COL5A2: variants seen among roughly 807,000 people sequenced by gnomAD.
COL5A2 encodes the protein collagen alpha-2(V) chain.
In COL5A2, 23 loss-of-function variants were observed where a neutral mutation model predicts 208.2. The ratio of observed to expected loss-of-function variants is 0.11; its 90% CI spans 0.08 to 0.16. The LOEUF is 0.16. COL5A2 is among the 10% of genes least tolerant of loss of function. COL5A2 has a pLI of 1.00. For missense variants in COL5A2, 1,590 were observed against 1,956.4 expected, an observed-to-expected ratio of 0.81 and a Z score of 3.53; for synonymous variants, 625 against 628.5, an observed-to-expected ratio of 0.99 and a Z score of 0.08.
At chr2:189,263,501 T>C in the COL5A2 span, among the ~76,000 whole-genome samples, 7 of 152,260 alleles carry the variant, frequency 4.6e-5, no homozygotes, top group African/African-American at 1.4e-4. Flanking sequence ...TACAACTCAT[T>C]ACTCACATGT....
upstream of COL5A2, among the ~76,000 whole-genome samples, chr2:189,183,897 A>C (rs1688814278): frequency 6.6e-6 from 1 of 152,146 alleles, no homozygotes; most frequent in Admixed American, 6.5e-5. Flanking sequence ...CACACCTCAT[A>C]ATTTTACTCA....
At chr2:189,291,800 G>T in the COL5A2 span, among the ~76,000 whole-genome samples, 2 of 147,326 alleles carry the variant, frequency 1.4e-5, no homozygotes, top group Admixed American at 6.7e-5. Flanking sequence ...AAGCTCTTTG[G>T]TTTAAAAAAA....
the COL5A2 span, among the ~76,000 whole-genome samples, chr2:189,301,848 C>T: frequency 6.6e-6 from 1 of 151,988 alleles, no homozygotes; most frequent in Non-Finnish European, 1.5e-5. Flanking sequence ...GAAAGAGTTT[C>T]CTGAGGAAAG....
At position 189,179,509 on chromosome 2, in the gene COL5A2, A is replaced by G; in HGVS notation, c.96T>C (p.Asp32=). The G allele has an allele frequency of 1.2e-6, 2 of 1,611,208 alleles. No individual in the cohort carries two copies. The highest frequency in any genetic ancestry group is 1.1e-5 in the South Asian group (1 of 90,422). The change falls in exon 1 of 54, where the codon GAT becomes GAC. Residue 32 remains aspartate, a splice_region_variant and synonymous_variant. Coordinates refer to ENST00000374866, the MANE Select transcript of COL5A2 (RefSeq NM_000393.5). ...AAGCAAAGCAAATGGCAAACTCACC[A>G]TCCTCGTCTTCTTCCTGGGCTTTTA... ...VSIKAQEEDE[D]EGYGEEIACT...
chr2:189,432,552 T>G, the COL5A2 span, among the ~76,000 whole-genome samples: 1 of 152,118 alleles, frequency 6.6e-6, no homozygotes, highest in Non-Finnish European at 1.5e-5. Flanking sequence ...TAAAACAGAC[T>G]TTAAACCAAC....
At chr2:189,066,217 T>G (rs529758335) in intron 23 of COL5A2, among the ~76,000 whole-genome samples, 173 bp downstream of exon 23, 6 of 152,360 alleles carry the variant, frequency 3.9e-5, no homozygotes, top group Admixed American at 3.9e-4. Flanking sequence ...ATTAGTTGAA[T>G]GTATGAATAA....
rs72902319 is a variant in COL5A2 at position 189,036,828 on chromosome 2, C to G, written c.3926-25G>C. On this transcript the variant is annotated intron_variant, in intron 51 of 53. Coordinates refer to ENST00000374866, the MANE Select transcript of COL5A2 (RefSeq NM_000393.5). Reference sequence around the variant, plus strand: ...CCTATTTTTCAAAATAGAAATTTTACTAAATAAAGACAATCTCAATCATGA... The same window carrying G: ...CCTATTTTTCAAAATAGAAATTTTAGTAAATAAAGACAATCTCAATCATGA... 29,685 of 1,534,248 alleles carry G rather than the reference C, an allele frequency of 0.019. 373 individuals carry two copies. Among genetic ancestry groups the G allele is most frequent in the Non-Finnish European group, 0.023 (26,041 of 1,115,278 alleles).
chr2:189,376,920 T>C, the COL5A2 span, among the ~76,000 whole-genome samples: 1 of 152,216 alleles, frequency 6.6e-6, no homozygotes, highest in Non-Finnish European at 1.5e-5. Flanking sequence ...GCTGAATTTT[T>C]AAAATAAATA....
the COL5A2 span, among the ~76,000 whole-genome samples, chr2:189,363,140 C>A: frequency 0.036 from 5,544 of 152,052 alleles, 117 homozygotes; most frequent in Admixed American, 0.05. Context: ...AAAACTAACA[C>A]CTTTCATTAA....
chr2:189,173,773 AAAT>A (rs1335596870), intron 1 of COL5A2, among the ~76,000 whole-genome samples: 3 of 152,210 alleles, frequency 2.0e-5, no homozygotes, highest in African/African-American at 7.2e-5. Context: ...TCATGGATAT[AAAT>A]AATAAAAAAT....
the COL5A2 span, among the ~76,000 whole-genome samples, chr2:189,320,817 G>A: frequency 3.9e-5 from 6 of 152,062 alleles, no homozygotes; most frequent in African/African-American, 1.4e-4. Flanking sequence ...TACAGAGAAC[G>A]CCACAAAGAT....
the COL5A2 span, among the ~76,000 whole-genome samples, chr2:189,239,641 G>T: frequency 2.0e-5 from 2 of 102,408 alleles, no homozygotes. Flanking sequence ...AGGGGGGAGG[G>T]ATAGCATTGG....
chr2:189,223,105 T>C (rs1689368422), intron 1 of COL5A2, among the ~76,000 whole-genome samples: 1 of 152,166 alleles, frequency 6.6e-6, no homozygotes, highest in African/African-American at 2.4e-5. Flanking sequence ...CCCATATAAA[T>C]TAGTTTTATA....
the COL5A2 span, among the ~76,000 whole-genome samples, chr2:189,386,146 A>C: frequency 6.6e-6 from 1 of 152,122 alleles, no homozygotes; most frequent in African/African-American, 2.4e-5. Flanking sequence ...TGCCCTTGAC[A>C]TGTGGGGATT....
At chr2:189,057,855 C>T (rs1250305269) in intron 33 of COL5A2, among the ~76,000 whole-genome samples, 2 of 152,138 alleles carry the variant, frequency 1.3e-5, no homozygotes, top group African/African-American at 4.8e-5. Flanking sequence ...GCATCAATCA[C>T]TCTAAACCCT....
intron 5 of COL5A2, chr2:189,097,753 T>C: frequency 2.2e-6 from 1 of 451,852 alleles, no homozygotes; most frequent in Non-Finnish European, 4.4e-6. Context: ...AGGGACTGTA[T>C]GAAATCAAAT....
At chr2:189,306,647 A>G in the COL5A2 span, among the ~76,000 whole-genome samples, 1 of 152,194 alleles carries the variant, frequency 6.6e-6, no homozygotes, top group East Asian at 1.9e-4. Context: ...GCTTGTTTTT[A>G]TTACCCAACA....
intron 16 of COL5A2, among the ~76,000 whole-genome samples, chr2:189,077,807 T>C (rs1686442727): frequency 6.6e-6 from 1 of 152,124 alleles, no homozygotes; most frequent in African/African-American, 2.4e-5. Context: ...AAACCCGCTA[T>C]TGCTAATAGT....
At chr2:189,173,073 C>A (rs1050280370) in intron 1 of COL5A2, among the ~76,000 whole-genome samples, 2 of 148,678 alleles carry the variant, frequency 1.3e-5, no homozygotes, top group Non-Finnish European at 3.0e-5. Context: ...CAGGTTCAAG[C>A]GATTCTCCTG....
Sources: allele counts gnomAD v4.1 joint callset (sites outside exome capture counted in the v4.1 genomes callset), GRCh38; gene constraint gnomAD v4.1.1; transcripts MANE v1.5; gene names NCBI Gene and HGNC (gene_info 2026-07-23, HGNC 2026-07-21).